FSD1: variants seen among roughly 807,000 people sequenced by gnomAD.
FSD1 encodes the protein fibronectin type III and SPRY domain-containing protein 1.
A neutral mutation model predicts 58.2 loss-of-function variants in FSD1; 23 were observed. The observed-to-expected ratio is 0.40, with a 90% CI of 0.28 to 0.56. The LOEUF (loss-of-function observed/expected upper bound fraction) is 0.56, where lower values mean the gene tolerates loss of function less well. Among genes scored for constraint, FSD1 ranks in the 20% least tolerant of loss-of-function variants. FSD1 has a pLI of 0.54. For missense variants in FSD1, 563 were observed against 670.8 expected, an observed-to-expected ratio of 0.84 and a Z score of 1.78; for synonymous variants, 265 against 263.4, an observed-to-expected ratio of 1.01 and a Z score of -0.06.
chr19:4,313,302 C>G (rs1223722704), intron 7 of FSD1, among the ~76,000 whole-genome samples: 1 of 151,776 alleles, frequency 6.6e-6, no homozygotes, highest in Non-Finnish European at 1.5e-5. Flanking sequence ...GACTGCACCA[C>G]CGCACTCCAG....
At chr19:4,315,059 C>T (rs1357696895) in intron 7 of FSD1, among the ~76,000 whole-genome samples, 1 of 152,176 alleles carries the variant, frequency 6.6e-6, no homozygotes, top group African/African-American at 2.4e-5. Context: ...TGCAATCCAC[C>T]TACTGTTTTG....
At chr19:4,319,764 G>A (rs77970017) in intron 10 of FSD1, among the ~76,000 whole-genome samples, 1 of 152,030 alleles carries the variant, frequency 6.6e-6, no homozygotes, top group Non-Finnish European at 1.5e-5. Flanking sequence ...CTTGGGAAAG[G>A]ACCTGGATAA....
chr19:4,311,990 C>G lies in FSD1; in HGVS notation c.639C>G (p.Leu213=). The change falls in exon 7 of 13, where the codon CTC becomes CTG. Residue 213 remains leucine (L), a synonymous_variant. Coordinates refer to ENST00000221856, the MANE Select transcript of FSD1 (RefSeq NM_024333.3). The stretch of plus-strand genomic sequence containing the variant: ...CCAACTTCGAGGGCCCGCCCCGCCT[C>G]AAGGAGGACCAGCCCTGGATGGTCA... ...RRTNFEGPPR[L]KEDQPWMVIE... The G allele has an allele frequency of 6.2e-7, 1 of 1,613,452 alleles. No individual in the cohort carries two copies. The highest frequency in any genetic ancestry group is 8.5e-7 in the Non-Finnish European group (1 of 1,180,028).
chr19:4,307,867 G>T lies in FSD1; in HGVS notation c.244-15G>T. On this transcript the variant is annotated splice_polypyrimidine_tract_variant and intron_variant, in intron 3 of 12. Transcript: ENST00000221856. Reference sequence around the variant, plus strand: ...GGGGTGAGTTGTCCCCTCCTTTGGTGCCTGGTATCCACAGAACCAGCTGGC... The same window carrying T: ...GGGGTGAGTTGTCCCCTCCTTTGGTTCCTGGTATCCACAGAACCAGCTGGC... The T allele has an allele frequency of 6.2e-7, 1 of 1,607,128 alleles. No homozygotes were observed. The highest frequency in any genetic ancestry group is 8.5e-7 in the Non-Finnish European group (1 of 1,175,806).
chr19:4,312,348 G>A (rs576784627), intron 7 of FSD1, among the ~76,000 whole-genome samples: 5 of 151,966 alleles, frequency 3.3e-5, no homozygotes, highest in East Asian at 1.9e-4. Context: ...AAAATTAGCC[G>A]GGCATGGTAT....
At chr19:4,305,035 C>T (rs1468906696) in intron 1 of FSD1, among the ~76,000 whole-genome samples, 7 of 139,128 alleles carry the variant, frequency 5.0e-5, no homozygotes, top group African/African-American at 1.6e-4. Flanking sequence ...CCATCCCCCA[C>T]GCCCTCCCTC....
chr19:4,310,085 G>A (rs533206646), intron 4 of FSD1, among the ~76,000 whole-genome samples, 188 bp from the exon 5 acceptor site: 51 of 152,056 alleles, frequency 3.4e-4, no homozygotes, highest in Admixed American at 7.9e-4. Flanking sequence ...AAAATTGGCC[G>A]GGTGTGGTGG....
chr19:4,309,780 G>A (rs1895854716), intron 4 of FSD1, among the ~76,000 whole-genome samples: 2 of 151,918 alleles, frequency 1.3e-5, no homozygotes, highest in African/African-American at 2.4e-5. Context: ...GTGGTGGCGG[G>A]CGCCTGTAGT....
intron 7 of FSD1, among the ~76,000 whole-genome samples, chr19:4,313,163 C>T (rs1425233530): frequency 6.8e-6 from 1 of 146,506 alleles, no homozygotes; most frequent in Non-Finnish European, 1.5e-5. Flanking sequence ...GCTTGGGTAA[C>T]AAAGCAAGAG....
intron 7 of FSD1, among the ~76,000 whole-genome samples, chr19:4,314,685 C>G (rs1159514253): frequency 1.3e-5 from 2 of 152,214 alleles, no homozygotes; most frequent in Admixed American, 1.3e-4. Flanking sequence ...TGGGGTTTCT[C>G]CATGTTGACC....
rs1250579359 is a variant in FSD1 at position 4,304,923 on chromosome 19, C to T, written c.15+162C>T. On this transcript the variant is annotated intron_variant, in intron 1 of 12. Coordinates refer to ENST00000221856, the MANE Select transcript of FSD1 (RefSeq NM_024333.3). ...ACCCCGCCCGGATCTAGCCCCCCTA[C>T]CCCAGTTTGGGACGCAGCCCCCCCA... 2.8e-5 allele frequency among the ~76,000 whole-genome samples: 4 copies of T among 142,038 alleles called. No homozygotes were observed. The South Asian group carries it at 7.0e-4, about 25-fold the overall frequency. 93.2% of individuals were successfully genotyped at this position (142,038 alleles called of 152,430 possible).
chr19:4,322,619 G>A (rs920790939), intron 10 of FSD1, among the ~76,000 whole-genome samples: 2 of 151,178 alleles, frequency 1.3e-5, no homozygotes, highest in African/African-American at 4.9e-5. Context: ...AGGTGTATCT[G>A]GAGGGAATAG....
At chr19:4,315,219 A>G (rs2144764188) in intron 7 of FSD1, among the ~76,000 whole-genome samples, 1 of 150,986 alleles carries the variant, frequency 6.6e-6, no homozygotes, top group East Asian at 1.9e-4. Flanking sequence ...TCTGCCTCCC[A>G]GGTTCAAGCG....
chr19:4,310,727 T>A (rs1442940270), intron 6 of FSD1, 131 bp downstream of exon 6: 2 of 1,070,978 alleles, frequency 1.9e-6, no homozygotes, highest in Non-Finnish European at 2.7e-6. Flanking sequence ...GGTGGAGCTC[T>A]GAGAATTCCA....
chr19:4,307,419 G>T (rs1273020704), intron 3 of FSD1, among the ~76,000 whole-genome samples: 8 of 151,932 alleles, frequency 5.3e-5, no homozygotes, highest in African/African-American at 1.9e-4. Context: ...ACCCAGGCTG[G>T]ATCAGTTGCA....
chr19:4,309,153 T>G (rs2144757190), intron 4 of FSD1, among the ~76,000 whole-genome samples: 1 of 151,466 alleles, frequency 6.6e-6, no homozygotes, highest in Non-Finnish European at 1.5e-5. Flanking sequence ...GAGGCTGAAG[T>G]GGGAGGATTG....
At chr19:4,315,510 G>A (rs1371924455) in intron 7 of FSD1, among the ~76,000 whole-genome samples, 6 of 147,978 alleles carry the variant, frequency 4.1e-5, no homozygotes, top group Non-Finnish European at 7.4e-5. Context: ...GGTTTTCACC[G>A]TGTTAGCCAG....
rs773760558 is a variant in FSD1, at chr19:4,318,969, A to G, written c.1039+18A>G. On this transcript the variant is annotated intron_variant, in intron 10 of 12. Transcript: ENST00000221856. ...AGTTCTGGGTAAGGAAGGGGAGAAGAAAGGGGAGAGGGGAGTTTTGGGCAG... is the reference window on the plus strand; with the variant it reads ...AGTTCTGGGTAAGGAAGGGGAGAAGGAAGGGGAGAGGGGAGTTTTGGGCAG... 2.5e-6 allele frequency: 4 copies of G among 1,606,208 alleles called. No homozygotes were observed. The highest frequency in any genetic ancestry group is 4.5e-5 in the East Asian group (2 of 44,816).
At chr19:4,313,613 G>A (rs1435939324) in intron 7 of FSD1, among the ~76,000 whole-genome samples, 2 of 151,964 alleles carry the variant, frequency 1.3e-5, no homozygotes, top group African/African-American at 4.8e-5. Flanking sequence ...AGCTACTCGG[G>A]AGGCTGAGGC....
Sources: gnomAD v4.1 joint callset for allele counts (sites outside exome capture counted in the v4.1 genomes callset) on GRCh38, gnomAD v4.1.1 for gene constraint, MANE v1.5 for transcripts, NCBI Gene and HGNC (gene_info 2026-07-23, HGNC 2026-07-21) for gene names.